The following ASXL3 variants were observed in gnomAD, a reference collection of about 807,000 sequenced individuals.
ASXL3 encodes ASXL transcriptional regulator 3.
Under a neutral mutation model 170.6 loss-of-function variants are expected in ASXL3, and 34 were observed. The observed-to-expected ratio is 0.20, with a 90% CI of 0.15 to 0.27. The LOEUF (loss-of-function observed/expected upper bound fraction) is 0.27, where lower values mean the gene tolerates loss of function less well. Ranked by LOEUF, ASXL3 falls within the 10% of genes least tolerant of loss-of-function variation. The probability of loss-of-function intolerance (pLI) is 1.00; values close to 1 mark genes in which losing one functional copy is unlikely to be tolerated. For synonymous variants in ASXL3, 1,002 were observed against 989.1 expected, an observed-to-expected ratio of 1.01 and a Z score of -0.24; for missense variants, 2,592 against 2,695.3, an observed-to-expected ratio of 0.96 and a Z score of 0.85.
At position 33,578,701 on chromosome 18, in the gene ASXL3, C is replaced by T. The variant is rs539090260; in HGVS notation, c.54+16C>T. ...TGCCCGCCTGGTACGTACCGCCCCC[C>T]ACACGCCGCCCGCGCCTCCCGCCGG... On this transcript the variant is annotated intron_variant, in intron 1 of 11. Coordinates refer to ENST00000269197, the MANE Select transcript of ASXL3 (RefSeq NM_030632.3). 1.6e-6 allele frequency: 2 copies of T among 1,251,882 alleles called. No homozygotes were observed. Among genetic ancestry groups the T allele is most frequent in the Admixed American group, 3.0e-5 (1 of 33,022 alleles). The allele number at this position is 1,251,882 out of a possible 1,614,324, so 77.5% of individuals were successfully genotyped here.
intron 1 of ASXL3, among the ~76,000 whole-genome samples, chr18:33,589,384 G>T (rs748248753): frequency 1.7e-4 from 26 of 152,058 alleles, no homozygotes; most frequent in Non-Finnish European, 3.2e-4. Flanking sequence ...CTCTAGACTT[G>T]CCTTCACTGA....
At position 33,743,147 on chromosome 18, in the gene ASXL3, C is replaced by T. The variant is rs1483406225; in HGVS notation, c.3299C>T (p.Ala1100Val). The change falls in exon 12 of 12, where the codon GCA becomes GTA. Residue 1100 changes from alanine to valine, a missense_variant. Physicochemically the swap from Ala to Val is moderately conservative, Grantham distance 64. Around this residue, in one of 4 missense-constraint regions of ASXL3, gnomAD observed 2,246 missense variants for 2,219.6 expected, o/e 1.01. Transcript: ENST00000269197. ...PGEGGKTRTLAHIKEQTKAKL... is the reference protein window; with the variant it reads ...PGEGGKTRTLVHIKEQTKAKL... Reference sequence around the variant, plus strand: ...GAGGGTGGAAAGACGAGAACTCTGGCACACATCAAAGAGCAGACAAAGGCT... The same window carrying T: ...GAGGGTGGAAAGACGAGAACTCTGGTACACATCAAAGAGCAGACAAAGGCT... The T allele has an allele frequency of 6.2e-7, 1 of 1,613,892 alleles. No homozygotes were observed. Among genetic ancestry groups the T allele is most frequent in the African/African-American group, 1.3e-5 (1 of 75,038 alleles).
intron 2 of ASXL3, 136 bp from the exon 3 acceptor site, chr18:33,644,758 A>T: frequency 2.1e-6 from 1 of 481,576 alleles, no homozygotes; most frequent in Non-Finnish European, 3.6e-6. Flanking sequence ...GGGTATTTTT[A>T]AAAGGCATGC....
intron 7 of ASXL3, among the ~76,000 whole-genome samples, chr18:33,682,964 A>G (rs928659738): frequency 2.6e-5 from 4 of 152,198 alleles, no homozygotes; most frequent in African/African-American, 9.7e-5. Flanking sequence ...TGAGGAACAC[A>G]CAGCTATTTT....
At position 33,738,855 on chromosome 18, in the gene ASXL3, C is replaced by T. The variant is rs751614420; in HGVS notation, c.1451C>T (p.Thr484Ile). Residue 484 changes from threonine (T) to isoleucine (I), a missense_variant, in exon 11 of 12, where the codon ACC (threonine) becomes ATC (isoleucine). Thr to Ile is a moderately conservative substitution (Grantham distance 89, BLOSUM62 -1). Transcript: ENST00000269197. ...TTTTCTGAGGAGGCTGAAAGTCTAA[C>T]CAATTCTCATGAAGAACCCCAAATA... ...PEFSEEAESL[T>I]NSHEEPQIAP... 1.2e-6 allele frequency: 2 copies of T among 1,613,598 alleles called. No individual in the cohort carries two copies. Among genetic ancestry groups the T allele is most frequent in the East Asian group, 2.2e-5 (1 of 44,880 alleles).
chr18:33,611,143 A>C (rs113238037), intron 2 of ASXL3, among the ~76,000 whole-genome samples: 4 of 152,110 alleles, frequency 2.6e-5, no homozygotes, highest in Admixed American at 2.6e-4. Context: ...CATGATAAAG[A>C]TAGGACAACT....
intron 1 of ASXL3, among the ~76,000 whole-genome samples, chr18:33,602,017 G>T (rs1460365306): frequency 1.3e-5 from 2 of 151,414 alleles, no homozygotes; most frequent in African/African-American, 4.9e-5. Flanking sequence ...TCCCAGGTTG[G>T]TCTCGAACTC....
rs748810876 is a variant in ASXL3 at position 33,738,948 on chromosome 18, T to TTGAAGTTAA, written c.1545_1553dup (p.Val517_Lys518insAsnGluVal). ...GATGTTTTAGAAACTTTGCCTCATA[T>TTGAAGTTAA]TGAAGTTAAGATAGAAGGGAAGTCA... On this transcript the variant is annotated inframe_insertion, in exon 11 of 12. Coordinates refer to ENST00000269197, the MANE Select transcript of ASXL3 (RefSeq NM_030632.3). 9.3e-6 allele frequency: 15 copies of TTGAAGTTAA among 1,613,560 alleles called. No individual in the cohort carries two copies. In the African/African-American group the frequency reaches 2.0e-4, roughly 22 times the overall value.
intron 2 of ASXL3, among the ~76,000 whole-genome samples, chr18:33,644,270 A>G (rs999010494): frequency 6.6e-6 from 1 of 151,958 alleles, no homozygotes; most frequent in Non-Finnish European, 1.5e-5. Flanking sequence ...TTTCTTTGAC[A>G]TATCTAACTG....
At chr18:33,720,291 A>G (rs1395976442) in intron 8 of ASXL3, among the ~76,000 whole-genome samples, 1 of 141,650 alleles carries the variant, frequency 7.1e-6, no homozygotes, top group African/African-American at 3.2e-5. Flanking sequence ...TTTGTTAAAG[A>G]AAGGAATGAC....
intron 3 of ASXL3, among the ~76,000 whole-genome samples, chr18:33,645,251 A>G (rs1246054536): frequency 6.6e-6 from 1 of 151,954 alleles, no homozygotes. Context: ...AAAATTCTTG[A>G]TTCCTTAAAG....
chr18:33,597,570 G>C (rs191022891), intron 1 of ASXL3, among the ~76,000 whole-genome samples: 91 of 152,118 alleles, frequency 6.0e-4, no homozygotes, highest in Non-Finnish European at 1.2e-3. Context: ...GGTAGATGAA[G>C]TTCAGTAAGT....
At chr18:33,619,203 A>C (rs2065472600) in intron 2 of ASXL3, among the ~76,000 whole-genome samples, 1 of 152,146 alleles carries the variant, frequency 6.6e-6, no homozygotes, top group Non-Finnish European at 1.5e-5. Flanking sequence ...TGTCTGACTT[A>C]GAGCCAATTG....
At chr18:33,732,860 C>CA (rs58760847) in intron 9 of ASXL3, among the ~76,000 whole-genome samples, 1,923 of 134,588 alleles carry the variant, frequency 0.014, 18 homozygotes, top group Non-Finnish European at 0.021. Context: ...CACCCTGTCT[C>CA]AAAAAAAAAA....
chr18:33,745,911 G>GCCTCCC lies in ASXL3; in HGVS notation c.6075_6080dup (p.Pro2027_Pro2028dup), dbSNP rs752903812. The GCCTCCC allele has an allele frequency of 4.7e-5, 75 of 1,585,588 alleles. No homozygotes were observed. Among genetic ancestry groups the GCCTCCC allele is most frequent in the African/African-American group, 1.5e-4 (11 of 71,310 alleles). ...CACTAGTACATCCGCCGCCGCCACC[G>GCCTCCC]CCTCCCCCTCCCCCTCCACCCTTGG... On this transcript the variant is annotated inframe_insertion, in exon 12 of 12. Transcript: ENST00000269197.
At chr18:33,582,259 G>A (rs1312478705) in intron 1 of ASXL3, among the ~76,000 whole-genome samples, 1 of 152,128 alleles carries the variant, frequency 6.6e-6, no homozygotes, top group East Asian at 1.9e-4. Flanking sequence ...TCTTCATTCT[G>A]TTACTATAAA....
chr18:33,584,739 C>T (rs1339422320), intron 1 of ASXL3, among the ~76,000 whole-genome samples: 1 of 152,132 alleles, frequency 6.6e-6, no homozygotes, highest in Non-Finnish European at 1.5e-5. Context: ...ATCCCAGTAA[C>T]TGTCTCTGAG....
chr18:33,612,912 A>G (rs2065360065), intron 2 of ASXL3, among the ~76,000 whole-genome samples: 1 of 152,086 alleles, frequency 6.6e-6, no homozygotes, highest in African/African-American at 2.4e-5. Context: ...TGTGTTGGGC[A>G]TTTTAGAATT....
At chr18:33,733,865 T>C (rs2067495461) in intron 9 of ASXL3, among the ~76,000 whole-genome samples, 1 of 152,188 alleles carries the variant, frequency 6.6e-6, no homozygotes, top group African/African-American at 2.4e-5. Context: ...TGGTCCTCCT[T>C]AATCGACCTA....
Sources: gnomAD v4.1 joint callset for allele counts (sites outside exome capture counted in the v4.1 genomes callset) on GRCh38, gnomAD v4.1.1 for gene constraint, gnomAD v4.1.1 regional missense constraint, MANE v1.5 for transcripts, NCBI Gene and HGNC (gene_info 2026-07-23, HGNC 2026-07-21) for gene names.